UPP2: variants seen among roughly 807,000 people sequenced by gnomAD.
The protein encoded by UPP2 is UPase 2.
Under a neutral mutation model 26.7 loss-of-function variants are expected in UPP2, and 23 were observed. The observed-to-expected ratio is 0.86, with a 90% confidence interval of 0.62 to 1.22. UPP2 has a LOEUF of 1.22. Ranked by LOEUF, UPP2 falls within the 50% of genes most tolerant of loss-of-function variation. The probability of loss-of-function intolerance (pLI) is 0.00; values close to 1 mark genes in which losing one functional copy is unlikely to be tolerated. For missense variants in UPP2, 387 were observed against 396.7 expected (o/e 0.98, Z 0.21); for synonymous variants, 127 against 141.3 (o/e 0.90, Z 0.72).
chr2:158,072,594 G>C (rs1682560390), intron 3 of UPP2, among the ~76,000 whole-genome samples: 1 of 152,196 alleles, frequency 6.6e-6, no homozygotes, highest in South Asian at 2.1e-4. Context: ...AGGGCTCCTG[G>C]CATCACTCCA....
At chr2:158,099,185 C>T (rs1426974789), upstream of UPP2, among the ~76,000 whole-genome samples, 1 of 152,172 alleles carries the variant, frequency 6.6e-6, no homozygotes, top group East Asian at 1.9e-4. Flanking sequence ...CAAGAACTGT[C>T]TTTTTCATGC....
intron 2 of UPP2, among the ~76,000 whole-genome samples, chr2:157,999,008 A>C (rs1384854441): frequency 6.6e-6 from 1 of 152,014 alleles, no homozygotes; most frequent in Non-Finnish European, 1.5e-5. Flanking sequence ...AATTCTGTTG[A>C]TCTTTTTCAG....
chr2:158,114,858 A>G (rs1683390967), intron 2 of UPP2, among the ~76,000 whole-genome samples: 1 of 152,220 alleles, frequency 6.6e-6, no homozygotes, highest in Admixed American at 6.5e-5. Context: ...TCCTTGAATA[A>G]TATCAACATT....
chr2:158,010,177 A>G (rs1401679943), intron 2 of UPP2, among the ~76,000 whole-genome samples: 1 of 152,236 alleles, frequency 6.6e-6, no homozygotes, highest in Non-Finnish European at 1.5e-5. Context: ...AAGAATGAGG[A>G]TGAAGAAAAC....
chr2:158,016,463 C>T (rs1235096299), intron 3 of UPP2, among the ~76,000 whole-genome samples: 1 of 152,046 alleles, frequency 6.6e-6, no homozygotes, highest in East Asian at 1.9e-4. Context: ...GCCTCAGCCT[C>T]CCAAGTGGCT....
At chr2:158,020,864 G>A (rs574587344) in intron 3 of UPP2, among the ~76,000 whole-genome samples, 1 of 152,192 alleles carries the variant, frequency 6.6e-6, no homozygotes, top group Admixed American at 6.5e-5. Context: ...TCCAATTTTT[G>A]ATAGAGACAT....
chr2:158,121,583 T>C lies in UPP2; in HGVS notation c.629T>C (p.Val210Ala), dbSNP rs776978499. Reference protein sequence around the residue: ...SKEIPNFPTLVGHTMCTYDFY... With the variant: ...SKEIPNFPTLAGHTMCTYDFY... ...GAAATCCCCAACTTCCCAACCCTCG[T>C]TGGACATACAATGTGTACCTATGAT... The change falls in exon 5 of 7, where the codon GTT becomes GCT. Residue 210 changes from valine (V) to alanine (A), a missense_variant. Coordinates refer to ENST00000005756, the MANE Select transcript of UPP2 (RefSeq NM_173355.4). 8 of 1,613,510 alleles carry C rather than the reference T, an allele frequency of 5.0e-6. No homozygotes were observed. The highest frequency in any genetic ancestry group is 2.7e-5 in the African/African-American group (2 of 75,032).
At chr2:158,064,440 T>G (rs7424761) in intron 3 of UPP2, among the ~76,000 whole-genome samples, 111,552 of 149,254 alleles carry the variant, frequency 0.75, 41,803 homozygotes, top group African/African-American at 0.85. Context: ...TTTTTGATGG[T>G]TTTTTTTTTT....
At chr2:158,022,476 A>AAAAAAAAT (rs1683767118) in intron 3 of UPP2, among the ~76,000 whole-genome samples, 1 of 151,042 alleles carries the variant, frequency 6.6e-6, no homozygotes, top group East Asian at 2.0e-4. Context: ...AAAAAAAAAA[A>AAAAAAAAT]GTTCCATAAA....
chr2:158,082,948 T>C (rs1055467448), intron 3 of UPP2, among the ~76,000 whole-genome samples: 2 of 151,750 alleles, frequency 1.3e-5, no homozygotes, highest in Non-Finnish European at 2.9e-5. Flanking sequence ...AACAAACATA[T>C]GAAAGAAAGC....
intron 3 of UPP2, chr2:158,065,857 T>C: frequency 1.5e-6 from 1 of 659,094 alleles, no homozygotes. Flanking sequence ...GTTCATTGCA[T>C]TGCAGGCCTT....
chr2:158,005,432 G>A (rs1683473452), intron 2 of UPP2, among the ~76,000 whole-genome samples: 1 of 152,198 alleles, frequency 6.6e-6, no homozygotes, highest in African/African-American at 2.4e-5. Context: ...TAAAGAATGG[G>A]ATGGAAGATG....
At chr2:157,995,389 C>A in intron 2 of UPP2, 4 of 1,004,088 alleles carry the variant, frequency 4.0e-6, no homozygotes, top group Admixed American at 2.1e-5. Flanking sequence ...CATCAACTGG[C>A]ACAAATAATT....
At chr2:158,062,987 C>T (rs1682376306) in intron 3 of UPP2, among the ~76,000 whole-genome samples, 1 of 152,176 alleles carries the variant, frequency 6.6e-6, no homozygotes, top group Admixed American at 6.5e-5. Context: ...CTCCCCTGCC[C>T]CTCTTTTCTG....
At chr2:158,068,971 C>T (rs111722594) in intron 3 of UPP2, among the ~76,000 whole-genome samples, 4,027 of 150,242 alleles carry the variant, frequency 0.027, 181 homozygotes, top group African/African-American at 0.093. Context: ...GTGCCCGCCA[C>T]CACGCCAGGC....
intron 2 of UPP2, among the ~76,000 whole-genome samples, chr2:158,002,367 G>A (rs545691967): frequency 6.6e-5 from 10 of 152,170 alleles, no homozygotes; most frequent in Non-Finnish European, 1.3e-4. Flanking sequence ...ATGAACCAGG[G>A]GCCGAGCAGC....
chr2:158,028,691 T>C (rs1683873575), intron 3 of UPP2, among the ~76,000 whole-genome samples: 2 of 152,164 alleles, frequency 1.3e-5, no homozygotes, highest in Admixed American at 6.5e-5. Context: ...GATAAAGACA[T>C]ACCCAAAACT....
intron 3 of UPP2, among the ~76,000 whole-genome samples, chr2:158,095,494 C>T (rs1027093020): frequency 3.9e-5 from 6 of 152,094 alleles, no homozygotes. Context: ...ACTTTGTCTT[C>T]TTTAATGGAC....
intron 3 of UPP2, among the ~76,000 whole-genome samples, chr2:158,032,630 G>A (rs1392358329): frequency 6.6e-6 from 1 of 152,136 alleles, no homozygotes. Context: ...AAGACTCAGG[G>A]CTGCATTTGG....
Sources: gnomAD v4.1 joint callset for allele counts (sites outside exome capture counted in the v4.1 genomes callset) on GRCh38, gnomAD v4.1.1 for gene constraint, MANE v1.5 for transcripts, NCBI Gene and HGNC (gene_info 2026-07-23, HGNC 2026-07-21) for gene names.